Variants in LRMDA observed in about 807,000 individuals in gnomAD.
The protein encoded by LRMDA is leucine rich melanocyte differentiation associated, also known as leucine-rich melanocyte differentiation-associated protein.
LRMDA carries 18 observed loss-of-function variants against 29.8 expected under a neutral mutation model. That is an observed-to-expected ratio of 0.60 (90% CI 0.42 to 0.90). The LOEUF (loss-of-function observed/expected upper bound fraction) is 0.90, where lower values mean the gene tolerates loss of function less well. Among genes scored for constraint, LRMDA ranks in the 40% least tolerant of loss-of-function variants. The pLI, the probability that LRMDA is intolerant of heterozygous loss-of-function variation, is 0.00. For synonymous variants in LRMDA, 125 were observed against 109.4 expected (o/e 1.14, Z -0.89); for missense variants, 273 against 273.9 (o/e 1.00, Z 0.02).
At chr10:75,933,547 C>A (rs1846238017) in intron 2 of LRMDA, among the ~76,000 whole-genome samples, 1 of 152,066 alleles carries the variant, frequency 6.6e-6, no homozygotes, top group African/African-American at 2.4e-5. Context: ...ATTCAGAGTG[C>A]AATGTATGTC....
At chr10:75,966,245 T>G (rs1846857318) in intron 2 of LRMDA, among the ~76,000 whole-genome samples, 1 of 152,166 alleles carries the variant, frequency 6.6e-6, no homozygotes, top group South Asian at 2.1e-4. Flanking sequence ...AGAGCCTGGG[T>G]GTGAATCCCA....
Position 75,449,745 on chromosome 10 carries a change from ATCT to A in LRMDA, c.131+11259_131+11261del, listed in dbSNP as rs567105648. Among the ~76,000 whole-genome samples the A allele has an allele frequency of 3.6e-4, 55 of 152,172 alleles. 1 individual carries two copies. Among genetic ancestry groups the A allele is most frequent in the African/African-American group, 1.1e-3 (47 of 41,494 alleles). ...GAGGTGGGAGTTTCCCAGAGAACTT[ATCT>A]TCTTCTTTCTTCCTCTCCCCTGCTC... On this transcript the variant is annotated intron_variant, in intron 2 of 6. Transcript: ENST00000611255.
At chr10:76,044,205 T>C (rs1848389291) in intron 3 of LRMDA, among the ~76,000 whole-genome samples, 1 of 152,048 alleles carries the variant, frequency 6.6e-6, no homozygotes, top group African/African-American at 2.4e-5. Context: ...GTCGCATGGG[T>C]GGGCTAGAAA....
chr10:76,255,045 G>A (rs1167197325), intron 5 of LRMDA, among the ~76,000 whole-genome samples: 2 of 152,146 alleles, frequency 1.3e-5, no homozygotes, highest in African/African-American at 4.8e-5. Flanking sequence ...CAACTGATCT[G>A]CTCATAGCCA....
At chr10:76,091,470 T>A (rs2054271731) in intron 5 of LRMDA, among the ~76,000 whole-genome samples, 1 of 152,166 alleles carries the variant, frequency 6.6e-6, no homozygotes, top group Non-Finnish European at 1.5e-5. Context: ...TGTCTTTAAT[T>A]GAAGGATCAG....
intron 6 of LRMDA, among the ~76,000 whole-genome samples, chr10:76,482,237 G>C (rs76270854): frequency 0.023 from 3,477 of 151,950 alleles, 65 homozygotes; most frequent in Non-Finnish European, 0.035. Context: ...ACATTTATAA[G>C]TATTTACAAA....
chr10:76,047,416 C>T, intron 4 of LRMDA, 113 bp downstream of exon 4: 1 of 1,100,144 alleles, frequency 9.1e-7, no homozygotes. Flanking sequence ...AGTGGGTTTC[C>T]CATGACAATG....
chr10:75,575,538 A>G (rs1381045350), intron 2 of LRMDA, among the ~76,000 whole-genome samples: 8 of 152,252 alleles, frequency 5.3e-5, no homozygotes, highest in African/African-American at 1.7e-4. Flanking sequence ...GCCCCAGTGC[A>G]AGTTTGAAAC....
intron 5 of LRMDA, among the ~76,000 whole-genome samples, chr10:76,243,789 G>A (rs1852322915): frequency 6.6e-6 from 1 of 152,140 alleles, no homozygotes; most frequent in Admixed American, 6.6e-5. Context: ...TGAAAACTTT[G>A]CCATAGTGGG....
At chr10:75,858,962 G>A (rs1844873599) in intron 2 of LRMDA, among the ~76,000 whole-genome samples, 1 of 152,218 alleles carries the variant, frequency 6.6e-6, no homozygotes, top group Non-Finnish European at 1.5e-5. Flanking sequence ...GCTAAAGAAA[G>A]TATAGTGCTG....
At chr10:76,159,627 AACCAAGAGGTCCTTC>A (rs1209980378) in intron 5 of LRMDA, among the ~76,000 whole-genome samples, 1 of 152,184 alleles carries the variant, frequency 6.6e-6, no homozygotes, top group African/African-American at 2.4e-5. Flanking sequence ...ACTTGGAGGC[AACCAAGAGGTCCTTC>A]AGTAGGTGGA....
chr10:75,705,178 G>A (rs1842351763), intron 2 of LRMDA, among the ~76,000 whole-genome samples: 1 of 152,220 alleles, frequency 6.6e-6, no homozygotes, highest in South Asian at 2.1e-4. Context: ...AAAAGCTCAA[G>A]GCCCCCAGAT....
rs374824753 is a variant in LRMDA, at chr10:76,189,757, A to G, written c.516+130974A>G. Among the ~76,000 whole-genome samples, 6 of 152,312 alleles carry G rather than the reference A, an allele frequency of 3.9e-5. No homozygotes were observed. In the East Asian group the frequency reaches 9.6e-4, roughly 24 times the overall value. Reference sequence around the variant, plus strand: ...GTGGTGACCCAGGGCCCTTCAGCATACAGCTGGGAGCCTAGATCCTGAGCA... The same window carrying G: ...GTGGTGACCCAGGGCCCTTCAGCATGCAGCTGGGAGCCTAGATCCTGAGCA... On this transcript the variant is annotated intron_variant, in intron 5 of 6. Transcript: ENST00000611255.
chr10:76,538,555 T>TAC (rs57625591), intron 6 of LRMDA, among the ~76,000 whole-genome samples: 6,736 of 141,536 alleles, frequency 0.048, 431 homozygotes, highest in African/African-American at 0.14. Context: ...TATATATATA[T>TAC]ACACACACAC....
intron 2 of LRMDA, among the ~76,000 whole-genome samples, chr10:75,995,052 T>G (rs1260467733): frequency 1.3e-5 from 2 of 152,216 alleles, no homozygotes; most frequent in African/African-American, 4.8e-5. Flanking sequence ...TTTGGAATGC[T>G]TATATTTGGG....
intron 2 of LRMDA, among the ~76,000 whole-genome samples, chr10:75,914,911 T>C (rs946559361): frequency 6.6e-6 from 1 of 152,158 alleles, no homozygotes; most frequent in Non-Finnish European, 1.5e-5. Context: ...ATGGTGTTAT[T>C]TAATGACAAA....
At chr10:75,577,665 G>T (rs1840524817) in intron 2 of LRMDA, among the ~76,000 whole-genome samples, 1 of 152,214 alleles carries the variant, frequency 6.6e-6, no homozygotes, top group South Asian at 2.1e-4. Context: ...ACAAAGGGAA[G>T]CCTATCACAC....
intron 2 of LRMDA, among the ~76,000 whole-genome samples, chr10:75,758,153 C>A (rs1327765534): frequency 6.6e-6 from 1 of 152,174 alleles, no homozygotes; most frequent in Non-Finnish European, 1.5e-5. Flanking sequence ...GTAAGAGGGA[C>A]CTTCTGAAGC....
At chr10:75,483,970 T>C (rs763065157) in intron 2 of LRMDA, among the ~76,000 whole-genome samples, 2 of 150,884 alleles carry the variant, frequency 1.3e-5, no homozygotes, top group Non-Finnish European at 2.9e-5. Context: ...CCACCCTTTT[T>C]TCTGAGACAG....
Sources: gnomAD v4.1 joint callset for allele counts (sites outside exome capture counted in the v4.1 genomes callset) on GRCh38, gnomAD v4.1.1 for gene constraint, MANE v1.5 for transcripts, NCBI Gene and HGNC (gene_info 2026-07-23, HGNC 2026-07-21) for gene names.